SHQ1: variants seen among roughly 807,000 people sequenced by gnomAD.
SHQ1 encodes SHQ1, H/ACA ribonucleoprotein assembly factor.
SHQ1 carries 49 observed loss-of-function variants against 53.8 expected under a neutral mutation model. The observed-to-expected ratio is 0.91, with a 90% CI of 0.72 to 1.16. The LOEUF (loss-of-function observed/expected upper bound fraction) is 1.16, where lower values mean the gene tolerates loss of function less well. Among genes scored for constraint, SHQ1 ranks in the 50% most tolerant of loss-of-function variants. SHQ1 has a pLI of 0.00. For synonymous variants in SHQ1, 243 were observed against 251.0 expected, an observed-to-expected ratio of 0.97 and a Z score of 0.30; for missense variants, 738 against 683.1, an observed-to-expected ratio of 1.08 and a Z score of -0.90.
At chr3:72,843,712 T>C (rs888010626) in intron 2 of SHQ1, among the ~76,000 whole-genome samples, 2 of 152,224 alleles carry the variant, frequency 1.3e-5, no homozygotes, top group African/African-American at 4.8e-5. Context: ...TTAATTACAC[T>C]GCATTATGGG....
In SHQ1 at chr3:72,824,527, C is replaced by T. The variant is rs544523350; in HGVS notation, c.624G>A (p.Ala208=). The T allele has an allele frequency of 3.3e-5, 53 of 1,609,102 alleles. 1 individual carries two copies. The South Asian group carries it at 4.5e-4, about 14-fold the overall frequency. ...HYLADFFEDE[A]IEQILKYNPW... is the part of the protein sequence containing the mutation. ...GATTATACTTCAAAATCTGTTCAAT[C>T]GCCTCATCTTCAAAAAAGTCAGCTC... The change falls in exon 6 of 11, where the codon GCG becomes GCA. Residue 208 remains alanine (A), a synonymous_variant. Coordinates refer to ENST00000325599, the MANE Select transcript of SHQ1 (RefSeq NM_018130.3).
intron 4 of SHQ1, among the ~76,000 whole-genome samples, chr3:72,837,003 G>C (rs1708020216): frequency 6.6e-6 from 1 of 152,206 alleles, no homozygotes; most frequent in South Asian, 2.1e-4. Flanking sequence ...TCCCTGTGTA[G>C]CCAAAAGGAC....
At chr3:72,841,276 A>G (rs1335613163) in intron 3 of SHQ1, 77 bp from the exon 4 acceptor site, 6 of 1,185,814 alleles carry the variant, frequency 5.1e-6, no homozygotes, top group African/African-American at 1.6e-5. Flanking sequence ...ATAGGAAAAA[A>G]TGCCCACAAA....
chr3:72,805,985 G>C (rs187658253), intron 9 of SHQ1, among the ~76,000 whole-genome samples: 1 of 152,266 alleles, frequency 6.6e-6, no homozygotes, highest in South Asian at 2.1e-4. Context: ...GTATTAGGGG[G>C]AAAGAGATTC....
chr3:72,844,189 G>A (rs1708262000), intron 2 of SHQ1, among the ~76,000 whole-genome samples, 170 bp downstream of exon 2: 1 of 152,132 alleles, frequency 6.6e-6, no homozygotes, highest in Non-Finnish European at 1.5e-5. Flanking sequence ...ACTTGTGAGG[G>A]GTGGGGAACA....
intron 9 of SHQ1, among the ~76,000 whole-genome samples, chr3:72,800,111 T>C (rs181751431): frequency 6.6e-6 from 1 of 152,254 alleles, no homozygotes; most frequent in Admixed American, 6.5e-5. Context: ...CTCATGAATG[T>C]TAACGACAAT....
Position 72,842,321 on chromosome 3 carries a change from G to A in SHQ1, c.290C>T (p.Pro97Leu). ...GLNMLTALLA[P>L]RKSRTAKPLV... Reference sequence around the variant, plus strand: ...TGGTTTTGCTGTCCTGGATTTTCTTGGTGCCAGAAGAGCAGTTAACATGTT... The same window carrying A: ...TGGTTTTGCTGTCCTGGATTTTCTTAGTGCCAGAAGAGCAGTTAACATGTT... The change falls in exon 3 of 11, where the codon CCA (proline) becomes CTA (leucine). Residue 97 changes from proline to leucine, a missense_variant. Coordinates refer to ENST00000325599, the MANE Select transcript of SHQ1 (RefSeq NM_018130.3). The A allele has an allele frequency of 6.2e-7, 1 of 1,613,702 alleles. No homozygotes were observed. Among genetic ancestry groups the A allele is most frequent in the South Asian group, 1.1e-5 (1 of 91,056 alleles).
At chr3:72,769,142 T>TGGG (rs1488698238) in intron 10 of SHQ1, among the ~76,000 whole-genome samples, 2 of 152,122 alleles carry the variant, frequency 1.3e-5, no homozygotes, top group Non-Finnish European at 2.9e-5. Flanking sequence ...AGCAGGCAGG[T>TGGG]GGGGGTCTGT....
In SHQ1 at chr3:72,841,235, G is replaced by A. The variant is rs748783147; in HGVS notation, c.332-36C>T. On this transcript the variant is annotated intron_variant, in intron 3 of 10. Coordinates refer to ENST00000325599, the MANE Select transcript of SHQ1 (RefSeq NM_018130.3). ...TAAATTTTAATTTTTTTTAAGTATT[G>A]GATTTAAGTACAACTAGGGGAAGAA... The A allele has an allele frequency of 1.9e-6, 3 of 1,543,422 alleles. No homozygotes were observed. The South Asian group carries it at 3.6e-5, about 19-fold the overall frequency.
At chr3:72,736,803 A>AG in the SHQ1 span, among the ~76,000 whole-genome samples, 7 of 147,078 alleles carry the variant, frequency 4.8e-5, no homozygotes, top group Non-Finnish European at 1.1e-4. Flanking sequence ...AAAAAAAAAA[A>AG]AAAAAAGAAA....
chr3:72,785,536 G>C (rs1235128232), intron 10 of SHQ1, among the ~76,000 whole-genome samples: 2 of 152,170 alleles, frequency 1.3e-5, no homozygotes, highest in Non-Finnish European at 2.9e-5. Context: ...TTTCTTATCT[G>C]ACCCTATTAC....
the SHQ1 span, among the ~76,000 whole-genome samples, chr3:72,743,815 C>G: frequency 6.6e-6 from 1 of 152,112 alleles, no homozygotes; most frequent in African/African-American, 2.4e-5. Flanking sequence ...CATATTTACC[C>G]CACAGGGAGC....
At chr3:72,772,806 T>G in intron 10 of SHQ1, 1 of 766,134 alleles carries the variant, frequency 1.3e-6, no homozygotes, top group Non-Finnish European at 2.4e-6. Context: ...TGCCTTTGGA[T>G]GCAACTGAAA....
intron 10 of SHQ1, among the ~76,000 whole-genome samples, chr3:72,780,948 T>G (rs1214814225): frequency 6.6e-6 from 1 of 151,926 alleles, no homozygotes; most frequent in Non-Finnish European, 1.5e-5. Flanking sequence ...GGATTACAGG[T>G]GCCCACCACT....
chr3:72,834,820 T>A (rs1707939535), intron 4 of SHQ1, among the ~76,000 whole-genome samples: 1 of 152,232 alleles, frequency 6.6e-6, no homozygotes, highest in Non-Finnish European at 1.5e-5. Context: ...CTCAGCTTTC[T>A]TACTGTCAAG....
At chr3:72,766,285 G>A (rs928668235) in intron 10 of SHQ1, among the ~76,000 whole-genome samples, 6 of 152,056 alleles carry the variant, frequency 3.9e-5, no homozygotes, top group Non-Finnish European at 5.9e-5. Context: ...TCTGGATGCC[G>A]ATTCTGACAT....
At chr3:72,731,687 C>CAA in the SHQ1 span, among the ~76,000 whole-genome samples, 21 of 108,690 alleles carry the variant, frequency 1.9e-4, 1 homozygote, top group Non-Finnish European at 3.9e-5. Context: ...GACTCCGTTT[C>CAA]AAAAAAAAAA....
chr3:72,831,882 C>T (rs553905650), intron 5 of SHQ1, among the ~76,000 whole-genome samples: 4 of 152,216 alleles, frequency 2.6e-5, no homozygotes, highest in South Asian at 2.1e-4. Context: ...TTCTCTACCA[C>T]GAAGAATAAT....
chr3:72,808,971 A>G (rs9852004), intron 9 of SHQ1, among the ~76,000 whole-genome samples: 4,688 of 152,284 alleles, frequency 0.031, 253 homozygotes, highest in African/African-American at 0.11. Flanking sequence ...GTCCATGGAT[A>G]AAGGTGGTGT....
Sources: allele counts gnomAD v4.1 joint callset (sites outside exome capture counted in the v4.1 genomes callset), GRCh38; gene constraint gnomAD v4.1.1; transcripts MANE v1.5; gene names NCBI Gene and HGNC (gene_info 2026-07-23, HGNC 2026-07-21).